The following GDPD5 variants were observed in gnomAD, a reference collection of about 807,000 sequenced individuals.
GDPD5 encodes glycerophosphodiester phosphodiesterase 2.
Under a neutral mutation model 75.1 loss-of-function variants are expected in GDPD5, and 48 were observed. That is an observed-to-expected ratio of 0.64 (90% CI 0.51 to 0.81). The LOEUF (loss-of-function observed/expected upper bound fraction) is 0.81, where lower values mean the gene tolerates loss of function less well. Among genes scored for constraint, GDPD5 ranks in the 40% least tolerant of loss-of-function variants. The probability of loss-of-function intolerance (pLI) is 0.00; values close to 1 mark genes in which losing one functional copy is unlikely to be tolerated. For missense variants in GDPD5, 706 were observed against 822.6 expected (o/e 0.86, Z 1.73); for synonymous variants, 336 against 339.0 (o/e 0.99, Z 0.10).
intron 1 of GDPD5, among the ~76,000 whole-genome samples, chr11:75,515,409 C>A (rs2135498214): frequency 6.6e-6 from 1 of 152,364 alleles, no homozygotes; most frequent in Admixed American, 6.5e-5. Context: ...ACACCCCCCA[C>A]CTAACTCCAC....
chr11:75,458,700 A>AT (rs1949347446), intron 4 of GDPD5, among the ~76,000 whole-genome samples: 1 of 150,278 alleles, frequency 6.7e-6, no homozygotes, highest in Non-Finnish European at 1.5e-5. Context: ...AAATAAATAA[A>AT]ATAAATAAAT....
rs184281555 is a variant in GDPD5 at position 75,500,264 on chromosome 11, C to T, written c.-144-9944G>A. On this transcript the variant is annotated intron_variant, in intron 1 of 16. Coordinates refer to ENST00000336898, the MANE Select transcript of GDPD5 (RefSeq NM_030792.8). The stretch of plus-strand genomic sequence containing the variant: ...GCTCATGCAGTTCATCCCCTGCACC[C>T]CTTCCCAGCTCTCCTCCCTTTCTCT... Among the ~76,000 whole-genome samples the T allele has an allele frequency of 1.0e-3, 155 of 152,282 alleles. No homozygotes were observed. In the Middle Eastern group the frequency reaches 0.037, roughly 37 times the overall value.
intron 1 of GDPD5, among the ~76,000 whole-genome samples, chr11:75,508,700 C>T (rs1307021401): frequency 6.6e-6 from 1 of 152,220 alleles, no homozygotes; most frequent in Non-Finnish European, 1.5e-5. Flanking sequence ...ACTGTGGCCC[C>T]CATGCCAATC....
At chr11:75,509,743 G>A (rs536369810) in intron 1 of GDPD5, among the ~76,000 whole-genome samples, 314 of 152,230 alleles carry the variant, frequency 2.1e-3, no homozygotes, top group African/African-American at 6.8e-3. Flanking sequence ...GCAGTGGCAC[G>A]ATCTCAGCTC....
rs1186740850 is a variant in GDPD5, at chr11:75,457,741, G to T, written c.267C>A (p.Pro89=). ...RMGYWSDWPV[P]ILVTTAAAFA... ...AGGCAGCAGCTGTGGTCACAAGGAT[G>T]GGTACGGGCCAGTCGCTCCAGTAGC... The change falls in exon 5 of 17, where the codon CCC becomes CCA. Residue 89 remains proline (P), a synonymous_variant. Coordinates refer to ENST00000336898, the MANE Select transcript of GDPD5 (RefSeq NM_030792.8). The T allele has an allele frequency of 1.2e-6, 2 of 1,614,170 alleles. No individual in the cohort carries two copies. The highest frequency in any genetic ancestry group is 1.7e-6 in the Non-Finnish European group (2 of 1,180,010).
intron 9 of GDPD5, among the ~76,000 whole-genome samples, chr11:75,447,511 G>A (rs1247500901): frequency 1.3e-5 from 2 of 152,190 alleles, no homozygotes; most frequent in African/African-American, 4.8e-5. Flanking sequence ...AACAGATGAA[G>A]CAAGAATGGC....
intron 9 of GDPD5, among the ~76,000 whole-genome samples, chr11:75,446,495 T>C (rs950568952): frequency 6.6e-6 from 1 of 152,168 alleles, no homozygotes; most frequent in Admixed American, 6.5e-5. Context: ...TGGGACACTA[T>C]GGTTAAGAGA....
chr11:75,498,955 C>A (rs1950258366), intron 1 of GDPD5, among the ~76,000 whole-genome samples: 1 of 152,156 alleles, frequency 6.6e-6, no homozygotes, highest in Non-Finnish European at 1.5e-5. Flanking sequence ...AGCCAAAGTT[C>A]CTTCTATGGA....
intron 4 of GDPD5, among the ~76,000 whole-genome samples, chr11:75,459,745 G>T (rs1318388987): frequency 6.6e-6 from 1 of 150,760 alleles, no homozygotes; most frequent in African/African-American, 2.4e-5. Context: ...GGGAGGCGGA[G>T]CTTGCAGTGA....
intron 3 of GDPD5, among the ~76,000 whole-genome samples, chr11:75,471,289 C>A (rs1251795694): frequency 6.6e-6 from 1 of 152,094 alleles, no homozygotes; most frequent in Non-Finnish European, 1.5e-5. Flanking sequence ...AGGTGGTGGC[C>A]TGGGGAGGTT....
At chr11:75,443,020 C>G (rs776393981) in intron 11 of GDPD5, 116 bp downstream of exon 11, 1 of 1,226,038 alleles carries the variant, frequency 8.2e-7, no homozygotes, top group African/African-American at 1.5e-5. Flanking sequence ...GGGTGGAGGT[C>G]GCGAAAGCTC....
chr11:75,448,914 A>G lies in GDPD5; in HGVS notation c.714+63T>C, dbSNP rs182299391. On this transcript the variant is annotated intron_variant, in intron 9 of 16. Coordinates refer to ENST00000336898, the MANE Select transcript of GDPD5 (RefSeq NM_030792.8). ...TACCATTACATATATCCATTTCCCA[A>G]GAAGGTCCCCCCCATCGCACCCCAC... The G allele has an allele frequency of 9.2e-5, 137 of 1,490,760 alleles. 2 individuals are homozygous for G. The East Asian group carries it at 2.9e-3, about 31-fold the overall frequency. 92.3% of individuals were successfully genotyped at this position (1,490,760 alleles called of 1,614,324 possible). A position where few individuals can be genotyped will look rare whatever the true frequency, so the allele number is the denominator to read the frequency against.
At chr11:75,442,749 C>T (rs1407826263) in intron 11 of GDPD5, 168 bp from the exon 12 acceptor site, 10 of 634,140 alleles carry the variant, frequency 1.6e-5, no homozygotes, top group East Asian at 8.2e-5. Flanking sequence ...CCAGCCCTAA[C>T]CTTTCTACCC....
intron 1 of GDPD5, among the ~76,000 whole-genome samples, chr11:75,496,871 C>T (rs1950220786): frequency 6.7e-6 from 1 of 149,976 alleles, no homozygotes; most frequent in South Asian, 2.1e-4. Flanking sequence ...ACCTCCGCCT[C>T]CCAGGCTCAA....
intron 6 of GDPD5, among the ~76,000 whole-genome samples, chr11:75,455,593 C>T (rs369901214): frequency 1.2e-3 from 178 of 152,340 alleles, no homozygotes; most frequent in African/African-American, 4.0e-3. Context: ...TAGAAGTGAG[C>T]CCCTCCCCTT....
chr11:75,498,951 A>G (rs1950258321), intron 1 of GDPD5, among the ~76,000 whole-genome samples: 1 of 152,172 alleles, frequency 6.6e-6, no homozygotes, highest in East Asian at 1.9e-4. Context: ...ACAAAGCCAA[A>G]GTTCCTTCTA....
intron 3 of GDPD5, among the ~76,000 whole-genome samples, chr11:75,469,717 A>C (rs1307383920): frequency 6.6e-6 from 1 of 152,234 alleles, no homozygotes; most frequent in Non-Finnish European, 1.5e-5. Context: ...CTTCGATCTA[A>C]AGAAGGAGAA....
intron 1 of GDPD5, among the ~76,000 whole-genome samples, chr11:75,504,523 G>C (rs141002190): frequency 6.3e-4 from 96 of 152,344 alleles, no homozygotes; most frequent in African/African-American, 2.0e-3. Flanking sequence ...ACATGCTGCA[G>C]CATGGATGAA....
intron 2 of GDPD5, among the ~76,000 whole-genome samples, chr11:75,488,159 T>A (rs1950049629): frequency 6.6e-6 from 1 of 151,760 alleles, no homozygotes; most frequent in South Asian, 2.1e-4. Context: ...GAGGGCTGAG[T>A]AGTTTTCTCC....
Sources: allele counts gnomAD v4.1 joint callset (sites outside exome capture counted in the v4.1 genomes callset), GRCh38; gene constraint gnomAD v4.1.1; transcripts MANE v1.5; gene names NCBI Gene and HGNC (gene_info 2026-07-23, HGNC 2026-07-21).